PHF24: variants seen among roughly 807,000 people sequenced by gnomAD.
The protein encoded by PHF24 is PHD finger protein 24.
Under a neutral mutation model 42.6 loss-of-function variants are expected in PHF24, and 25 were observed. That is an observed-to-expected ratio of 0.59 (90% CI 0.43 to 0.82). The LOEUF (loss-of-function observed/expected upper bound fraction) is 0.82. Ranked by LOEUF, PHF24 falls within the 40% of genes least tolerant of loss-of-function variation. The probability of loss-of-function intolerance (pLI) is 0.00; values close to 1 mark genes in which losing one functional copy is unlikely to be tolerated. For missense variants in PHF24, 470 were observed against 538.1 expected (o/e 0.87, Z 1.25); for synonymous variants, 185 against 204.8 (o/e 0.90, Z 0.83).
the PHF24 span, among the ~76,000 whole-genome samples, chr9:34,827,358 T>C: frequency 6.6e-6 from 1 of 152,190 alleles, no homozygotes; most frequent in South Asian, 2.1e-4. Flanking sequence ...TGAGTGTTGG[T>C]TCAGCAGGCC....
At chr9:34,852,377 A>G in the PHF24 span, among the ~76,000 whole-genome samples, 10 of 152,328 alleles carry the variant, frequency 6.6e-5, no homozygotes, top group East Asian at 3.9e-4. Context: ...TTCAAATGTC[A>G]ACTGCATATG....
At chr9:34,763,133 A>T in the PHF24 span, among the ~76,000 whole-genome samples, 2 of 152,218 alleles carry the variant, frequency 1.3e-5, no homozygotes, top group Non-Finnish European at 2.9e-5. Context: ...AGGTAGCATG[A>T]TGCCTCCAGC....
At chr9:34,680,306 C>T in the PHF24 span, among the ~76,000 whole-genome samples, 2 of 151,750 alleles carry the variant, frequency 1.3e-5, no homozygotes, top group Non-Finnish European at 2.9e-5. Context: ...ATCTGGGAGG[C>T]GGAGGTTGCA....
At chr9:34,847,438 GTA>G in the PHF24 span, among the ~76,000 whole-genome samples, 2 of 151,930 alleles carry the variant, frequency 1.3e-5, no homozygotes, top group African/African-American at 4.8e-5. Context: ...TGTGATTTTT[GTA>G]CATTGATTTT....
intron 1 of PHF24, among the ~76,000 whole-genome samples, chr9:34,962,552 G>A (rs867724377): frequency 3.9e-5 from 6 of 152,108 alleles, no homozygotes; most frequent in South Asian, 2.1e-4. Context: ...TGTGCCTGAC[G>A]CATAGTAGGC....
At chr9:34,745,455 T>G in the PHF24 span, among the ~76,000 whole-genome samples, 1 of 151,964 alleles carries the variant, frequency 6.6e-6, no homozygotes, top group Admixed American at 6.5e-5. Context: ...TTTACTAGCT[T>G]TTCAAGAAGA....
the PHF24 span, among the ~76,000 whole-genome samples, chr9:34,844,769 G>A: frequency 2.0e-5 from 3 of 152,186 alleles, no homozygotes; most frequent in South Asian, 2.1e-4. Context: ...AATGTTCCAC[G>A]TGTGCTTGAG....
At chr9:34,851,294 C>T in the PHF24 span, among the ~76,000 whole-genome samples, 2 of 152,194 alleles carry the variant, frequency 1.3e-5, no homozygotes, top group African/African-American at 4.8e-5. Context: ...CCTAAGCAAG[C>T]CTGGGCAATG....
the PHF24 span, among the ~76,000 whole-genome samples, chr9:34,928,440 T>C: frequency 1.2e-4 from 18 of 152,116 alleles, no homozygotes; most frequent in Admixed American, 1.3e-4. Flanking sequence ...TACACCTATA[T>C]ACCCACAAAA....
chr9:34,858,776 T>A, the PHF24 span, among the ~76,000 whole-genome samples: 333 of 152,350 alleles, frequency 2.2e-3, 1 homozygote, highest in Middle Eastern at 6.8e-3. Context: ...GTCTAGTAAG[T>A]CTAATTCCTG....
chr9:34,980,182 T>C (rs1827341265), exon 8 of PHF24: 1 of 152,260 alleles, frequency 6.6e-6, no homozygotes, highest in Non-Finnish European at 1.5e-5. Context: ...GAAGTCCATC[T>C]TGTTCCCTGA....
chr9:34,714,214 G>C, the PHF24 span, among the ~76,000 whole-genome samples: 1 of 152,074 alleles, frequency 6.6e-6, no homozygotes. Context: ...AACAAGACTA[G>C]GCAAAAACAA....
chr9:34,897,126 A>G, the PHF24 span, among the ~76,000 whole-genome samples: 1 of 152,336 alleles, frequency 6.6e-6, no homozygotes, highest in South Asian at 2.1e-4. Context: ...ACTGCACTCC[A>G]GCCTGGGTGA....
chr9:34,775,754 G>T, the PHF24 span, among the ~76,000 whole-genome samples: 1 of 151,908 alleles, frequency 6.6e-6, no homozygotes, highest in Non-Finnish European at 1.5e-5. Context: ...CTAGATATTC[G>T]CCCAAGAGAA....
chr9:34,877,296 A>AG, the PHF24 span, among the ~76,000 whole-genome samples: 1 of 150,366 alleles, frequency 6.7e-6, no homozygotes, highest in South Asian at 2.1e-4. Context: ...AAAAAAAAAA[A>AG]GAAAAAGAAA....
the PHF24 span, among the ~76,000 whole-genome samples, chr9:34,717,321 C>G: frequency 6.6e-6 from 1 of 150,824 alleles, no homozygotes; most frequent in African/African-American, 2.5e-5. Flanking sequence ...GAGATCATGT[C>G]TTGTGTAAGG....
chr9:34,886,158 T>G, the PHF24 span, among the ~76,000 whole-genome samples: 1 of 151,870 alleles, frequency 6.6e-6, no homozygotes, highest in African/African-American at 2.4e-5. Flanking sequence ...CACCACAGCG[T>G]TCTTCCAGAA....
chr9:34,923,416 T>C, the PHF24 span, among the ~76,000 whole-genome samples: 1 of 152,218 alleles, frequency 6.6e-6, no homozygotes, highest in African/African-American at 2.4e-5. Flanking sequence ...AGTCCTTCTT[T>C]AAATGTTTGG....
chr9:34,681,476 A>C, the PHF24 span, among the ~76,000 whole-genome samples: 2 of 4,824 alleles, frequency 4.1e-4, no homozygotes, highest in Non-Finnish European at 9.4e-4. Flanking sequence ...CCTAACCCTA[A>C]ATGTGACTGT....
Sources: gnomAD v4.1 joint callset for allele counts (sites outside exome capture counted in the v4.1 genomes callset) on GRCh38, gnomAD v4.1.1 for gene constraint, MANE v1.5 for transcripts, NCBI Gene and HGNC (gene_info 2026-07-23, HGNC 2026-07-21) for gene names.